Variants in CACNA1H observed in about 807,000 individuals in gnomAD.
CACNA1H encodes voltage-dependent T-type calcium channel subunit alpha-1H.
CACNA1H carries 149 observed loss-of-function variants against 192.5 expected under a neutral mutation model. That is an observed-to-expected ratio of 0.77 (90% confidence interval 0.68 to 0.89). The LOEUF (loss-of-function observed/expected upper bound fraction) is 0.89, where lower values mean the gene tolerates loss of function less well. CACNA1H is among the 40% of genes least tolerant of loss of function. CACNA1H has a pLI of 0.00. For missense variants in CACNA1H, 4,257 were observed against 3,423.5 expected, an observed-to-expected ratio of 1.24 and a Z score of -6.08; for synonymous variants, 2,202 against 1,475.2, an observed-to-expected ratio of 1.49 and a Z score of -11.29.
At position 1,153,172 on chromosome 16, in the gene CACNA1H, G is replaced by GCCCGCGCCCCGCGC. The variant is rs1319650851; in HGVS notation, c.-298_-285dup. ...TCGCTCGCTGCCTCACCGGTCCCCG[G>GCCCGCGCCCCGCGC]CCCGCGCCCCGCGCCCCGCGCCCCG... On this transcript the variant is annotated 5_prime_UTR_variant, in exon 1 of 35. Coordinates refer to ENST00000348261, the MANE Select transcript of CACNA1H (RefSeq NM_021098.3). 72 of 144,136 alleles carry GCCCGCGCCCCGCGC rather than the reference G, an allele frequency of 5.0e-4. No homozygotes were observed. The highest frequency in any genetic ancestry group is 1.1e-3 in the African/African-American group (44 of 40,114). 8.9% of individuals were successfully genotyped at this position (144,136 alleles called of 1,614,324 possible). A position where few individuals can be genotyped will look rare whatever the true frequency, so the allele number is the denominator to read the frequency against.
intron 2 of CACNA1H, among the ~76,000 whole-genome samples, chr16:1,168,002 C>T (rs1164318883): frequency 6.6e-6 from 1 of 152,198 alleles, no homozygotes; most frequent in East Asian, 1.9e-4. Context: ...GGTGACCGCA[C>T]CTCTGTCTGC....
intron 12 of CACNA1H, 65 bp downstream of exon 12, chr16:1,206,354 C>T (rs1968707218): frequency 6.8e-7 from 1 of 1,467,072 alleles, no homozygotes; most frequent in South Asian, 1.3e-5. Context: ...AGGCAAAGGC[C>T]CAGGGCACCC....
intron 2 of CACNA1H, among the ~76,000 whole-genome samples, chr16:1,185,247 G>A (rs1965868082): frequency 6.6e-6 from 1 of 152,200 alleles, no homozygotes; most frequent in South Asian, 2.1e-4. Context: ...TTTGTTCACG[G>A]GTCTGTTGGT....
At chr16:1,188,706 G>A (rs1490609502) in intron 2 of CACNA1H, among the ~76,000 whole-genome samples, 1 of 152,144 alleles carries the variant, frequency 6.6e-6, no homozygotes, top group Non-Finnish European at 1.5e-5. Context: ...TTTCCTCCTC[G>A]ACTACCCCCA....
At position 1,210,665 on chromosome 16, in the gene CACNA1H, C is replaced by T. The variant is rs537875566; in HGVS notation, c.4038+14C>T. 73 of 1,599,690 alleles carry T rather than the reference C, an allele frequency of 4.6e-5. 1 individual carries two copies. In the African/African-American group the frequency reaches 5.2e-4, roughly 11 times the overall value. On this transcript the variant is annotated intron_variant, in intron 20 of 34. Transcript: ENST00000348261. ...ATGATGGTGAAGGTACCGCGGGGCC[C>T]GGGGACTGCCCTTGTTCCCAGGTCC... is the stretch of plus-strand genomic sequence containing the variant.
chr16:1,215,633 A>C, intron 30 of CACNA1H, 40 bp downstream of exon 30: 1 of 1,565,028 alleles, frequency 6.4e-7, no homozygotes, highest in Non-Finnish European at 8.7e-7. Flanking sequence ...AGGCCCCCGG[A>C]AGACGGGGTT....
At chr16:1,189,409 T>TC in intron 2 of CACNA1H, among the ~76,000 whole-genome samples, 1 of 98,586 alleles carries the variant, frequency 1.0e-5, no homozygotes, top group Non-Finnish European at 1.8e-5. Context: ...TTTTTTTTTT[T>TC]TTTTTTTTTT....
intron 2 of CACNA1H, among the ~76,000 whole-genome samples, chr16:1,156,675 G>A (rs546525366): frequency 1.9e-4 from 29 of 152,238 alleles, no homozygotes; most frequent in Middle Eastern, 3.4e-3. Flanking sequence ...AGGGATAATC[G>A]GATTTGCTCA....
chr16:1,188,788 G>A (rs986125309), intron 2 of CACNA1H, among the ~76,000 whole-genome samples: 1 of 152,100 alleles, frequency 6.6e-6, no homozygotes, highest in African/African-American at 2.4e-5. Flanking sequence ...CCGCTTCCTC[G>A]CCCCCTCCTG....
intron 2 of CACNA1H, among the ~76,000 whole-genome samples, chr16:1,168,664 CT>C (rs958825449): frequency 1.3e-5 from 2 of 152,102 alleles, no homozygotes; most frequent in African/African-American, 4.8e-5. Context: ...CGAGTTGGCC[CT>C]GTGTCAGGAG....
chr16:1,192,332 G>C (rs990161324), intron 2 of CACNA1H, among the ~76,000 whole-genome samples: 11 of 152,208 alleles, frequency 7.2e-5, no homozygotes, highest in African/African-American at 2.4e-4. Flanking sequence ...TAGGCACTGG[G>C]TGCCACCCAC....
chr16:1,184,115 CG>C (rs1567472341), intron 2 of CACNA1H, among the ~76,000 whole-genome samples: 1 of 152,152 alleles, frequency 6.6e-6, no homozygotes, highest in Non-Finnish European at 1.5e-5. Context: ...AGGGTGTAGG[CG>C]GGACTGCTCT....
intron 2 of CACNA1H, among the ~76,000 whole-genome samples, chr16:1,193,609 G>A (rs958322433): frequency 2.6e-5 from 4 of 152,266 alleles, no homozygotes; most frequent in African/African-American, 9.6e-5. Context: ...CTGCCTTGGC[G>A]GGAGGCTGAT....
chr16:1,173,519 C>T (rs1471034359), intron 2 of CACNA1H, among the ~76,000 whole-genome samples: 1 of 152,228 alleles, frequency 6.6e-6, no homozygotes, highest in Admixed American at 6.5e-5. Context: ...TGTTTACTAA[C>T]TTAACCACAA....
At chr16:1,206,925 C>A (rs539745636) in intron 12 of CACNA1H, 76 bp from the exon 13 acceptor site, 19 of 209,394 alleles carry the variant, frequency 9.1e-5, no homozygotes, top group Non-Finnish European at 1.7e-4. Flanking sequence ...CTCCCACCCC[C>A]CTCCCGCTCC....
chr16:1,220,681 G>T lies in CACNA1H; in HGVS notation c.6749G>T (p.Arg2250Leu), dbSNP rs554435610. Reference sequence around the variant, plus strand: ...GGGGACCCTGCAGCCAAGGGGGAGCGCTGGGGCCAGGCCTCCTGCCGGGCT... The same window carrying T: ...GGGGACCCTGCAGCCAAGGGGGAGCTCTGGGGCCAGGCCTCCTGCCGGGCT... ...AGGDPAAKGERWGQASCRAEH... is the reference protein window; with the variant it reads ...AGGDPAAKGELWGQASCRAEH... The change falls in exon 35 of 35, where the codon CGC becomes CTC. Residue 2250 changes from arginine to leucine, a missense_variant. Transcript: ENST00000348261. 1 of 1,609,942 alleles carries T rather than the reference G, an allele frequency of 6.2e-7. No homozygotes were observed. The highest frequency in any genetic ancestry group is 8.5e-7 in the Non-Finnish European group (1 of 1,178,700).
At position 1,205,112 on chromosome 16, in the gene CACNA1H, A is replaced by T; in HGVS notation, c.2452-2A>T. 1 of 1,610,598 alleles carries T rather than the reference A, an allele frequency of 6.2e-7. No homozygotes were observed. Among genetic ancestry groups the T allele is most frequent in the Middle Eastern group, 1.7e-4 (1 of 6,054 alleles). Reference sequence around the variant, plus strand: ...CTGAACTGTCCCCACCTCTGCCTGCAGCCCGAGGAGCTGACTAATGCTCTG... The same window carrying T: ...CTGAACTGTCCCCACCTCTGCCTGCTGCCCGAGGAGCTGACTAATGCTCTG... On this transcript the variant is annotated splice_acceptor_variant, in intron 10 of 34. Transcript: ENST00000348261. LOFTEE classifies it high-confidence loss of function.
intron 26 of CACNA1H, among the ~76,000 whole-genome samples, chr16:1,213,553 C>T (rs1969705619): frequency 6.6e-6 from 1 of 152,076 alleles, no homozygotes; most frequent in South Asian, 2.1e-4. Flanking sequence ...GCCAGCTCCC[C>T]AGGGAGCTGC....
Position 1,200,510 on chromosome 16 carries a change from A to G in CACNA1H, c.1058A>G (p.Asn353Ser), listed in dbSNP as rs1967721886. 6.2e-7 allele frequency: 1 copy of G among 1,612,028 alleles called. No homozygotes were observed. Among genetic ancestry groups the G allele is most frequent in the Non-Finnish European group, 8.5e-7 (1 of 1,179,666 alleles). ...YYNVCRSGDS[N>S]PHNGAINFDN... The stretch of plus-strand genomic sequence containing the variant: ...AACGTGTGCCGCTCGGGTGACTCCA[A>G]CCCCCACAACGGTGCCATCAACTTC... Residue 353 changes from asparagine (N) to serine (S), a missense_variant, in exon 7 of 35, where the codon AAC (asparagine) becomes AGC (serine). Coordinates refer to ENST00000348261, the MANE Select transcript of CACNA1H (RefSeq NM_021098.3).
Sources: gnomAD v4.1 joint callset for allele counts (sites outside exome capture counted in the v4.1 genomes callset) on GRCh38, gnomAD v4.1.1 for gene constraint, MANE v1.5 for transcripts, NCBI Gene and HGNC (gene_info 2026-07-23, HGNC 2026-07-21) for gene names.